Variants in CCDC171 observed in about 807,000 individuals in gnomAD.
CCDC171 encodes the protein coiled-coil domain containing 171, also known as coiled-coil domain-containing protein 171.
In CCDC171, 177 loss-of-function variants were observed where a neutral mutation model predicts 168.2. That is an observed-to-expected ratio of 1.05 (90% CI 0.93 to 1.19). The LOEUF (loss-of-function observed/expected upper bound fraction) is 1.19. Among genes scored for constraint, CCDC171 ranks in the 50% most tolerant of loss-of-function variants. CCDC171 has a pLI of 0.00. For synonymous variants in CCDC171, 687 were observed against 540.8 expected (o/e 1.27, Z -3.75); for missense variants, 1,991 against 1,539.0 (o/e 1.29, Z -4.91).
At chr9:15,910,547 G>T (rs1307434670) in intron 24 of CCDC171, among the ~76,000 whole-genome samples, 1 of 150,280 alleles carries the variant, frequency 6.7e-6, no homozygotes, top group Non-Finnish European at 1.5e-5. Flanking sequence ...TTGGCTATTA[G>T]GGCTCTTTTT....
the CCDC171 span, among the ~76,000 whole-genome samples, chr9:16,079,068 G>A: frequency 1.3e-5 from 2 of 152,198 alleles, no homozygotes; most frequent in African/African-American, 4.8e-5. Context: ...GCCAAGTTAA[G>A]TTCCTGGATT....
Position 15,741,421 on chromosome 9 carries a change from CG to C in CCDC171, c.2050-2851del, listed in dbSNP as rs1325195561. 4.6e-5 allele frequency among the ~76,000 whole-genome samples: 7 copies of C among 152,204 alleles called. No homozygotes were observed. The South Asian group carries it at 8.3e-4, about 18-fold the overall frequency. ...TTTGTGTCTGGTTTCTTTCTCTTAG[CG>C]TAATTTTTCAATTTATGTTGTACCA... is the stretch of plus-strand genomic sequence containing the variant. On this transcript the variant is annotated intron_variant, in intron 16 of 25. Coordinates refer to ENST00000380701, the MANE Select transcript of CCDC171 (RefSeq NM_173550.4).
intron 1 of CCDC171, among the ~76,000 whole-genome samples, chr9:15,556,812 G>C (rs1296174142): frequency 2.6e-5 from 4 of 152,132 alleles, no homozygotes; most frequent in Middle Eastern, 3.4e-3. Flanking sequence ...TGAAGTCCTT[G>C]CCCATGCCTA....
intron 18 of CCDC171, among the ~76,000 whole-genome samples, chr9:15,751,838 C>G (rs2055764313): frequency 6.6e-6 from 1 of 152,136 alleles, no homozygotes; most frequent in Non-Finnish European, 1.5e-5. Context: ...CCATTCAGGA[C>G]ATTGGCATGG....
At chr9:15,966,191 G>T (rs1191231383) in intron 25 of CCDC171, among the ~76,000 whole-genome samples, 2 of 152,214 alleles carry the variant, frequency 1.3e-5, no homozygotes, top group African/African-American at 4.8e-5. Flanking sequence ...GGATGTTACA[G>T]TTAGCTGTAG....
intron 3 of CCDC171, among the ~76,000 whole-genome samples, chr9:15,981,942 T>C (rs1238094802): frequency 6.6e-6 from 1 of 152,158 alleles, no homozygotes; most frequent in African/African-American, 2.4e-5. Flanking sequence ...TCATGAACAG[T>C]AAAAAGCTTT....
intron 3 of CCDC171, among the ~76,000 whole-genome samples, chr9:15,996,101 G>C (rs1832361765): frequency 6.6e-6 from 1 of 152,144 alleles, no homozygotes; most frequent in African/African-American, 2.4e-5. Flanking sequence ...TTGACTTTCT[G>C]TGCTATAGGT....
At chr9:15,578,633 ATT>A (rs35672487) in intron 3 of CCDC171, among the ~76,000 whole-genome samples, 1 of 149,320 alleles carries the variant, frequency 6.7e-6, no homozygotes, top group Non-Finnish European at 1.5e-5. Context: ...TTCTTATAAG[ATT>A]TTTTTTTTCC....
rs190681905 is a variant in CCDC171, at chr9:15,563,225, G to A, written c.-111-753G>A. Among the ~76,000 whole-genome samples the A allele has an allele frequency of 2.5e-3, 380 of 149,932 alleles. 1 individual carries two copies. Among genetic ancestry groups the A allele is most frequent in the South Asian group, 0.017 (83 of 4,758 alleles). On this transcript the variant is annotated intron_variant, in intron 1 of 25. Transcript: ENST00000380701. ...GCAATCTTGGCTCACTGCAACCTCCGCCTCCCAGGTTCAAGCAATTCTTCC... is the reference window on the plus strand; with the variant it reads ...GCAATCTTGGCTCACTGCAACCTCCACCTCCCAGGTTCAAGCAATTCTTCC...
downstream of CCDC171, among the ~76,000 whole-genome samples, chr9:16,066,365 T>C (rs370928025): frequency 6.2e-4 from 94 of 152,282 alleles, no homozygotes; most frequent in African/African-American, 2.2e-3. Context: ...GAAGTATAGA[T>C]AAAGTGCAAA....
At chr9:15,671,193 C>G (rs1397199629) in intron 9 of CCDC171, among the ~76,000 whole-genome samples, 1 of 152,128 alleles carries the variant, frequency 6.6e-6, no homozygotes, top group African/African-American at 2.4e-5. Flanking sequence ...TAACCAATCA[C>G]TTATTAAATT....
intron 1 of CCDC171, among the ~76,000 whole-genome samples, chr9:15,561,054 G>A (rs1182706809): frequency 2.0e-5 from 3 of 152,104 alleles, no homozygotes; most frequent in African/African-American, 4.8e-5. Flanking sequence ...GAAATCATTC[G>A]TCTTTTGTGT....
At chr9:15,744,859 C>G (rs1290328138) in intron 17 of CCDC171, 82 bp downstream of exon 17, 1 of 1,360,402 alleles carries the variant, frequency 7.4e-7, no homozygotes, top group East Asian at 2.5e-5. Context: ...TATGGAAAAA[C>G]TCTTAAAAAA....
Position 15,971,622 on chromosome 9 carries a change from A to T in CCDC171, c.3767A>T (p.Asp1256Val). ...NASLQSIGSR[D>V]HSNLSIPSRA... is the part of the protein sequence containing the mutation. The stretch of plus-strand genomic sequence containing the variant: ...TGTATGTCACAGATAGGATCACGAG[A>T]CCATTCAAATCTCTCCATTCCTTCA... Residue 1256 changes from aspartate to valine, a missense_variant, in exon 26 of 26, where the codon GAC becomes GTC. By Grantham distance (152) the Asp-to-Val change is radical. Transcript: ENST00000380701. 2 of 1,612,308 alleles carry T rather than the reference A, an allele frequency of 1.2e-6. No homozygotes were observed. Among genetic ancestry groups the T allele is most frequent in the Non-Finnish European group, 1.7e-6 (2 of 1,178,922 alleles).
At chr9:15,827,467 T>G (rs2136192624) in intron 21 of CCDC171, among the ~76,000 whole-genome samples, 1 of 152,340 alleles carries the variant, frequency 6.6e-6, no homozygotes, top group South Asian at 2.1e-4. Flanking sequence ...AAGCTTTCAC[T>G]GCTTTCTAAA....
At chr9:15,931,271 A>C (rs180887573) in intron 25 of CCDC171, among the ~76,000 whole-genome samples, 3 of 151,586 alleles carry the variant, frequency 2.0e-5, no homozygotes, top group African/African-American at 4.8e-5. Flanking sequence ...CCTTTTTGGT[A>C]ATAATGATTC....
intron 1 of CCDC171, among the ~76,000 whole-genome samples, chr9:16,049,514 G>A (rs888427380): frequency 6.6e-6 from 1 of 152,170 alleles, no homozygotes; most frequent in African/African-American, 2.4e-5. Context: ...GTCTTTCTCT[G>A]AAGCTGGCAT....
At chr9:16,000,849 A>T (rs978722761) in intron 3 of CCDC171, among the ~76,000 whole-genome samples, 3 of 152,012 alleles carry the variant, frequency 2.0e-5, no homozygotes, top group African/African-American at 7.2e-5. Flanking sequence ...GCATAATTTT[A>T]GCAATAATGA....
At chr9:15,982,133 A>T (rs1831816916) in intron 3 of CCDC171, among the ~76,000 whole-genome samples, 1 of 152,154 alleles carries the variant, frequency 6.6e-6, no homozygotes, top group Non-Finnish European at 1.5e-5. Flanking sequence ...AGGCTGATGT[A>T]TGAGTGCTGC....
Sources: gnomAD v4.1 joint callset for allele counts (sites outside exome capture counted in the v4.1 genomes callset) on GRCh38, gnomAD v4.1.1 for gene constraint, MANE v1.5 for transcripts, NCBI Gene and HGNC (gene_info 2026-07-23, HGNC 2026-07-21) for gene names.